Variants in NFIX observed in about 807,000 individuals in gnomAD.
The protein encoded by NFIX is nuclear factor I X, also known as nuclear factor 1 X-type.
NFIX carries 2 observed loss-of-function variants against 53.3 expected under a neutral mutation model. That is an observed-to-expected ratio of 0.04 (90% CI 0.02 to 0.12). NFIX has a LOEUF of 0.12. NFIX is among the 10% of genes least tolerant of loss of function. The pLI is 1.00. For synonymous variants in NFIX, 244 were observed against 289.0 expected (o/e 0.84, Z 1.58); for missense variants, 310 against 674.5 (o/e 0.46, Z 5.99).
rs1432836830 is a variant in NFIX, at chr19:13,022,578, G to T, written c.28-2443G>T. 3.3e-5 allele frequency among the ~76,000 whole-genome samples: 5 copies of T among 151,584 alleles called. No individual in the cohort carries two copies. Among genetic ancestry groups the T allele is most frequent in the Non-Finnish European group, 5.9e-5 (4 of 67,910 alleles). On this transcript the variant is annotated intron_variant, in intron 1 of 10. Coordinates refer to ENST00000592199, the MANE Select transcript of NFIX (RefSeq NM_001365902.3). This position sits in a 1 kb window ranked among gnomAD's most constrained non-coding sequence, Gnocchi z 4.5. Reference sequence around the variant, plus strand: ...GGGAGGAAAACTTCCACTCGCCCCTGTGTGCTCCATAGGAAGAAAAAAAAA... The same window carrying T: ...GGGAGGAAAACTTCCACTCGCCCCTTTGTGCTCCATAGGAAGAAAAAAAAA...
intron 1 of NFIX, among the ~76,000 whole-genome samples, chr19:12,997,357 G>A (rs1221226327): frequency 1.3e-5 from 2 of 152,246 alleles, no homozygotes; most frequent in Admixed American, 1.3e-4. Context: ...ATGGCCGTGT[G>A]TGTGGCCCAG....
intron 2 of NFIX, chr19:13,070,785 C>T (rs1213610928): frequency 6.6e-6 from 1 of 152,318 alleles, no homozygotes; most frequent in Non-Finnish European, 1.5e-5. Flanking sequence ...GTAATAACAG[C>T]AATAACGTTT....
At chr19:13,065,015 G>T (rs1398443412) in intron 2 of NFIX, among the ~76,000 whole-genome samples, 4 of 149,120 alleles carry the variant, frequency 2.7e-5, no homozygotes, top group Non-Finnish European at 5.9e-5. Flanking sequence ...CAAAGTCACA[G>T]GCTGGTAGGT....
intron 2 of NFIX, among the ~76,000 whole-genome samples, chr19:13,038,293 A>G (rs1231620098): frequency 1.3e-5 from 2 of 152,164 alleles, no homozygotes; most frequent in Non-Finnish European, 2.9e-5. Context: ...CCTACCAAAG[A>G]GTTTCTAAAA....
intron 1 of NFIX, among the ~76,000 whole-genome samples, chr19:13,020,878 C>T (rs1011468786): frequency 6.6e-6 from 1 of 152,118 alleles, no homozygotes; most frequent in African/African-American, 2.4e-5. Context: ...GTTGCTGCCC[C>T]CACCTCTATC....
rs1039099988 is a variant in NFIX at position 13,005,901 on chromosome 19, G to A, written c.27+10037G>A. On this transcript the variant is annotated intron_variant, in intron 1 of 10. Coordinates refer to ENST00000592199, the MANE Select transcript of NFIX (RefSeq NM_001365902.3). This position sits in a 1 kb window ranked among gnomAD's most constrained non-coding sequence, Gnocchi z 4.7. The stretch of plus-strand genomic sequence containing the variant: ...GCTGGCCAGGCTTGCCCTCACCCCC[G>A]CAGGTCCAAACATCCTCTCCCACAC... Among the ~76,000 whole-genome samples, 5 of 152,128 alleles carry A rather than the reference G, an allele frequency of 3.3e-5. No individual in the cohort carries two copies. Among genetic ancestry groups the A allele is most frequent in the Non-Finnish European group, 7.3e-5 (5 of 68,034 alleles).
intron 6 of NFIX, among the ~76,000 whole-genome samples, chr19:13,076,643 G>A (rs2017121037): frequency 6.6e-6 from 1 of 152,232 alleles, no homozygotes; most frequent in Non-Finnish European, 1.5e-5. Context: ...TGGGCCCTGG[G>A]CATCATTCTC....
At chr19:13,082,165 G>A (rs1015929520) in intron 8 of NFIX, 13 of 361,452 alleles carry the variant, frequency 3.6e-5, no homozygotes, top group South Asian at 1.1e-4. Flanking sequence ...GATCCAACCC[G>A]GATCTGGGCC....
Position 13,066,004 on chromosome 19 carries a change from G to C in NFIX, c.560-7043G>C, listed in dbSNP as rs565123947. Among the ~76,000 whole-genome samples, 6 of 152,308 alleles carry C rather than the reference G, an allele frequency of 3.9e-5. No individual in the cohort carries two copies. The South Asian group carries it at 1.2e-3, about 32-fold the overall frequency. ...GTGGCTGGAAGGCTTCTGGCTATGA[G>C]TCTATCTCCACATGGGGAGTGGAGG... On this transcript the variant is annotated intron_variant, in intron 2 of 10. Transcript: ENST00000592199. This position sits in a 1 kb window ranked among gnomAD's most constrained non-coding sequence, Gnocchi z 4.2.
In NFIX at chr19:13,067,290, G is replaced by A. The variant is rs2016466311; in HGVS notation, c.560-5757G>A. On this transcript the variant is annotated intron_variant, in intron 2 of 10. Coordinates refer to ENST00000592199, the MANE Select transcript of NFIX (RefSeq NM_001365902.3). This position sits in a 1 kb window ranked among gnomAD's most constrained non-coding sequence, Gnocchi z 4.2. ...CTTGCTTCTGGAATGTCAGGCCTGG[G>A]AGGGCCAGGGGATGGGCAGGCACAC... Among the ~76,000 whole-genome samples the A allele has an allele frequency of 2.0e-5, 3 of 152,310 alleles. No homozygotes were observed. The highest frequency in any genetic ancestry group is 4.1e-4 in the South Asian group (2 of 4,830).
rs558040829 is a variant in NFIX at position 13,025,854 on chromosome 19, A to T, written c.559+302A>T. 6.6e-5 allele frequency among the ~76,000 whole-genome samples: 10 copies of T among 152,296 alleles called. No individual in the cohort carries two copies. Among genetic ancestry groups the T allele is most frequent in the African/African-American group, 2.4e-4 (10 of 41,560 alleles). ...TGCAGGTCTTAGGATTGGGGACATG[A>T]TGCCCCCAGAATTATCCATGATGGT... is the stretch of plus-strand genomic sequence containing the variant. On this transcript the variant is annotated intron_variant, in intron 2 of 10. Transcript: ENST00000592199. The surrounding 1 kb of genome is among the most constrained non-coding windows in gnomAD (Gnocchi z 7.5).
rs2014908223 is a variant in NFIX, at chr19:13,045,216, C to T, written c.559+19664C>T. ...CTCTCTTCTGAGGGAGCTCCACAGC[C>T]ACCATGGATTTAGGTGGACAAACAG... On this transcript the variant is annotated intron_variant, in intron 2 of 10. Coordinates refer to ENST00000592199, the MANE Select transcript of NFIX (RefSeq NM_001365902.3). This position sits in a 1 kb window ranked among gnomAD's most constrained non-coding sequence, Gnocchi z 4.4. Among the ~76,000 whole-genome samples the T allele has an allele frequency of 6.6e-6, 1 of 152,154 alleles. No homozygotes were observed. Among genetic ancestry groups the T allele is most frequent in the Admixed American group, 6.5e-5 (1 of 15,286 alleles).
rs1440767988 is a variant in NFIX, at chr19:13,089,838, T to C, written c.1403-461T>C. 1.3e-5 allele frequency among the ~76,000 whole-genome samples: 2 copies of C among 152,136 alleles called. No homozygotes were observed. Among genetic ancestry groups the C allele is most frequent in the Non-Finnish European group, 2.9e-5 (2 of 67,972 alleles). ...GACTGCCAAAGCCTCCACCCTCCCC[T>C]GGCCCCCTCTCTTCAGTACCTGAGA... On this transcript the variant is annotated intron_variant, in intron 9 of 10. Transcript: ENST00000592199. The surrounding 1 kb of genome is among the most constrained non-coding windows in gnomAD (Gnocchi z 4.8).
chr19:13,053,928 T>G (rs1251330529), intron 2 of NFIX, among the ~76,000 whole-genome samples: 1 of 152,010 alleles, frequency 6.6e-6, no homozygotes, highest in East Asian at 1.9e-4. Flanking sequence ...TACCATTCTG[T>G]CCATCCACTC....
chr19:13,046,853 C>T (rs955543176), intron 2 of NFIX, among the ~76,000 whole-genome samples: 3 of 152,266 alleles, frequency 2.0e-5, no homozygotes, highest in Middle Eastern at 3.4e-3. Flanking sequence ...TCTCTTCCTT[C>T]TTGGTCTAAA....
chr19:13,075,726 C>A (rs2017061102), intron 6 of NFIX, 55 bp downstream of exon 6: 3 of 1,578,064 alleles, frequency 1.9e-6, no homozygotes, highest in Admixed American at 3.5e-5. Flanking sequence ...GTCTTTTTGT[C>A]CCCTTCTCAG....
Position 13,088,255 on chromosome 19 carries a change from C to G in NFIX, c.1402+119C>G. On this transcript the variant is annotated intron_variant, in intron 9 of 10. Coordinates refer to ENST00000592199, the MANE Select transcript of NFIX (RefSeq NM_001365902.3). The surrounding 1 kb of genome is among the most constrained non-coding windows in gnomAD (Gnocchi z 5.9). ...ACCACCAAAGCCCCCCAACCCAGAG[C>G]ACCATGGACAAGAGCAGAGCCGAGC... The G allele has an allele frequency of 7.9e-7, 1 of 1,258,940 alleles. No homozygotes were observed. The highest frequency in any genetic ancestry group is 1.5e-5 in the African/African-American group (1 of 66,354). 78.0% of individuals were successfully genotyped at this position (1,258,940 alleles called of 1,614,324 possible). A position where few individuals can be genotyped will look rare whatever the true frequency, so the allele number is the denominator to read the frequency against.
chr19:13,046,466 C>A (rs745610), intron 2 of NFIX, among the ~76,000 whole-genome samples: 1 of 146,948 alleles, frequency 6.8e-6, no homozygotes, highest in South Asian at 2.1e-4. Context: ...GCGTTGCCTT[C>A]CCCCCCCCTC....
At chr19:13,062,196 G>A (rs1044650095) in intron 2 of NFIX, among the ~76,000 whole-genome samples, 5 of 152,226 alleles carry the variant, frequency 3.3e-5, no homozygotes, top group African/African-American at 1.2e-4. Flanking sequence ...CAGCCCTTGA[G>A]TATGGTGCAA....
Sources: gnomAD v4.1 joint callset for allele counts (sites outside exome capture counted in the v4.1 genomes callset) on GRCh38, gnomAD v4.1.1 for gene constraint, Gnocchi (gnomAD v3.1) non-coding constraint, MANE v1.5 for transcripts, NCBI Gene and HGNC (gene_info 2026-07-23, HGNC 2026-07-21) for gene names.